SUDS3: variants seen among roughly 807,000 people sequenced by gnomAD.
SUDS3 encodes the protein sin3 histone deacetylase corepressor complex component SDS3.
SUDS3 carries 23 observed loss-of-function variants against 53.5 expected under a neutral mutation model. The observed-to-expected ratio is 0.43, with a 90% CI of 0.31 to 0.61. The LOEUF (loss-of-function observed/expected upper bound fraction) is 0.61. Among genes scored for constraint, SUDS3 ranks in the 20% least tolerant of loss-of-function variants. SUDS3 has a pLI of 0.10. For missense variants in SUDS3, 291 were observed against 405.9 expected, an observed-to-expected ratio of 0.72 and a Z score of 2.43; for synonymous variants, 150 against 148.5, an observed-to-expected ratio of 1.01 and a Z score of -0.08.
At chr12:118,380,748 C>T (rs984243814) in intron 2 of SUDS3, among the ~76,000 whole-genome samples, 1 of 152,202 alleles carries the variant, frequency 6.6e-6, no homozygotes, top group African/African-American at 2.4e-5. Flanking sequence ...GCTCTTTCGT[C>T]CAGACTGGAG....
At chr12:118,395,015 T>C (rs1178923087) in intron 6 of SUDS3, among the ~76,000 whole-genome samples, 5 of 151,968 alleles carry the variant, frequency 3.3e-5, no homozygotes, top group African/African-American at 9.7e-5. Flanking sequence ...CTAAGATATA[T>C]GTGGTTGTAC....
rs550187408 is a variant in SUDS3 at position 118,416,933 on chromosome 12, T to C, written c.*2500T>C. 6.6e-6 allele frequency: 1 copy of C among 152,242 alleles called. No individual in the cohort carries two copies. The highest frequency in any genetic ancestry group is 2.1e-4 in the South Asian group (1 of 4,830). 9.4% of individuals were successfully genotyped at this position (152,242 alleles called of 1,614,324 possible). ...AGGTGATTACTTTGAAAAAGGTTGG[T>C]CCAGACCATTTTGATCAAGAACCTG... On this transcript the variant is annotated 3_prime_UTR_variant, in exon 12 of 12. Coordinates refer to ENST00000543473, the MANE Select transcript of SUDS3 (RefSeq NM_022491.3).
At chr12:118,392,078 A>G (rs925096789) in intron 6 of SUDS3, among the ~76,000 whole-genome samples, 1 of 152,192 alleles carries the variant, frequency 6.6e-6, no homozygotes, top group Non-Finnish European at 1.5e-5. Context: ...GGCTTGAACT[A>G]GCTATTTTGG....
At chr12:118,400,572 T>A (rs1372769732) in intron 6 of SUDS3, 87 bp from the exon 7 acceptor site, 6 of 1,254,742 alleles carry the variant, frequency 4.8e-6, no homozygotes, top group Non-Finnish European at 7.0e-6. Flanking sequence ...ATTGGGTGGC[T>A]GGGGGGCAGA....
chr12:118,406,506 T>G (rs1263153724), intron 10 of SUDS3, among the ~76,000 whole-genome samples: 1 of 152,206 alleles, frequency 6.6e-6, no homozygotes, highest in Non-Finnish European at 1.5e-5. Context: ...AATAGTACAG[T>G]AGTGGTAATT....
chr12:118,410,617 G>C (rs7298005), intron 10 of SUDS3, among the ~76,000 whole-genome samples: 38,473 of 148,454 alleles, frequency 0.26, 5,086 homozygotes, highest in Middle Eastern at 0.38. Flanking sequence ...TATTTTTTGA[G>C]ATGGAGTCTT....
intron 3 of SUDS3, among the ~76,000 whole-genome samples, chr12:118,384,418 T>A (rs2046095438): frequency 6.6e-6 from 1 of 152,242 alleles, no homozygotes; most frequent in South Asian, 2.1e-4. Flanking sequence ...AAACCAAATG[T>A]TAATGACCTT....
At chr12:118,383,893 T>C in intron 2 of SUDS3, 119 bp from the exon 3 acceptor site, 3 of 844,450 alleles carry the variant, frequency 3.6e-6, no homozygotes, top group Non-Finnish European at 5.6e-6. Flanking sequence ...CTTTCCTCTC[T>C]TCCCTGAAGG....
At chr12:118,383,074 A>T (rs1440239228) in intron 2 of SUDS3, among the ~76,000 whole-genome samples, 1 of 152,144 alleles carries the variant, frequency 6.6e-6, no homozygotes, top group Non-Finnish European at 1.5e-5. Flanking sequence ...AAAGAGTGAG[A>T]TGTGTGTGAG....
chr12:118,381,824 G>T (rs2046065681), intron 2 of SUDS3, among the ~76,000 whole-genome samples: 1 of 152,186 alleles, frequency 6.6e-6, no homozygotes, highest in African/African-American at 2.4e-5. Flanking sequence ...CGTACACCCA[G>T]ATGGAAAACG....
intron 2 of SUDS3, 92 bp from the exon 3 acceptor site, chr12:118,383,920 C>G (rs1437483422): frequency 8.3e-7 from 1 of 1,203,688 alleles, no homozygotes; most frequent in African/African-American, 1.5e-5. Flanking sequence ...ATGACCTTCC[C>G]ATAACAGCCC....
chr12:118,402,830 G>A (rs2046275476), intron 9 of SUDS3, among the ~76,000 whole-genome samples: 1 of 151,286 alleles, frequency 6.6e-6, no homozygotes, highest in Admixed American at 6.6e-5. Flanking sequence ...GCGTGAACTC[G>A]GCTCAGTGCA....
chr12:118,376,795 A>G lies in SUDS3; in HGVS notation c.104A>G (p.Asp35Gly). ...EEDEELESAE[D>G]DERSCRGRES... is the part of the protein sequence containing the mutation. ...GATGAAGAGCTGGAGAGCGCCGAGGACGACGAGCGCAGCTGTCGGGGCCGC... is the reference window on the plus strand; with the variant it reads ...GATGAAGAGCTGGAGAGCGCCGAGGGCGACGAGCGCAGCTGTCGGGGCCGC... The change falls in exon 1 of 12, where the codon GAC becomes GGC. Residue 35 changes from aspartate to glycine, a missense_variant. Transcript: ENST00000543473. The G allele has an allele frequency of 1.3e-6, 2 of 1,552,894 alleles. No individual in the cohort carries two copies. The highest frequency in any genetic ancestry group is 1.7e-6 in the Non-Finnish European group (2 of 1,155,524).
intron 6 of SUDS3, among the ~76,000 whole-genome samples, chr12:118,398,299 A>G (rs190852229): frequency 6.6e-6 from 1 of 152,282 alleles, no homozygotes; most frequent in East Asian, 1.9e-4. Flanking sequence ...AGCACTTACA[A>G]ACCTGTGTTA....
chr12:118,378,566 C>A (rs937706739), intron 1 of SUDS3, among the ~76,000 whole-genome samples: 1 of 151,760 alleles, frequency 6.6e-6, no homozygotes, highest in African/African-American at 2.4e-5. Flanking sequence ...ACTGCAACTT[C>A]CATCTCCTGG....
Position 118,376,729 on chromosome 12 carries a change from A to C in SUDS3, c.38A>C (p.Gln13Pro), listed in dbSNP as rs2045999395. ...AAGLLAPAPA[Q>P]AGAPPAPEYY... is the part of the protein sequence containing the mutation. The stretch of plus-strand genomic sequence containing the variant: ...GGGCTGCTGGCCCCGGCCCCGGCCC[A>C]GGCTGGAGCGCCGCCGGCCCCCGAG... Residue 13 changes from glutamine to proline, a missense_variant, in exon 1 of 12, where the codon CAG becomes CCG. Around this residue, in one of 4 missense-constraint regions of SUDS3, gnomAD observed 149 missense variants for 146.5 expected, o/e 1.02. Coordinates refer to ENST00000543473, the MANE Select transcript of SUDS3 (RefSeq NM_022491.3). 6.5e-7 allele frequency: 1 copy of C among 1,532,610 alleles called. No individual in the cohort carries two copies. Among genetic ancestry groups the C allele is most frequent in the Non-Finnish European group, 8.7e-7 (1 of 1,145,036 alleles). The allele number at this position is 1,532,610 out of a possible 1,614,324, so 94.9% of individuals were successfully genotyped here.
intron 2 of SUDS3, among the ~76,000 whole-genome samples, chr12:118,380,792 C>T (rs1228722784): frequency 2.0e-5 from 3 of 152,088 alleles, no homozygotes; most frequent in Admixed American, 2.0e-4. Flanking sequence ...GCAACCACCG[C>T]CTTCCGGATT....
chr12:118,379,549 C>T (rs964932699), intron 1 of SUDS3, among the ~76,000 whole-genome samples: 1 of 152,286 alleles, frequency 6.6e-6, no homozygotes, highest in Middle Eastern at 3.4e-3. Flanking sequence ...GGTGCAGTAA[C>T]CACTCCCCCA....
intron 6 of SUDS3, among the ~76,000 whole-genome samples, chr12:118,397,515 G>A (rs1566204095): frequency 6.6e-6 from 1 of 152,092 alleles, no homozygotes; most frequent in Non-Finnish European, 1.5e-5. Flanking sequence ...GTGTCTGTTG[G>A]GGCTGTGATA....
Sources: allele counts gnomAD v4.1 joint callset (sites outside exome capture counted in the v4.1 genomes callset), GRCh38; gene constraint gnomAD v4.1.1; regional missense constraint gnomAD v4.1.1; transcripts MANE v1.5; gene names NCBI Gene and HGNC (gene_info 2026-07-23, HGNC 2026-07-21).